SLCO3A1: variants seen among roughly 807,000 people sequenced by gnomAD.
SLCO3A1 encodes PGE1 transporter.
Under a neutral mutation model 63.1 loss-of-function variants are expected in SLCO3A1, and 27 were observed. The ratio of observed to expected loss-of-function variants is 0.43; its 90% CI spans 0.32 to 0.59. SLCO3A1 has a LOEUF of 0.59. SLCO3A1 is among the 20% of genes least tolerant of loss of function. The probability of loss-of-function intolerance (pLI) is 0.09; values close to 1 mark genes in which losing one functional copy is unlikely to be tolerated. For missense variants in SLCO3A1, 773 were observed against 945.8 expected, an observed-to-expected ratio of 0.82 and a Z score of 2.40; for synonymous variants, 473 against 409.9, an observed-to-expected ratio of 1.15 and a Z score of -1.86.
chr15:91,873,963 A>G (rs2151336706), intron 1 of SLCO3A1, among the ~76,000 whole-genome samples: 1 of 152,040 alleles, frequency 6.6e-6, no homozygotes, highest in Middle Eastern at 3.4e-3. Flanking sequence ...CATCTTAATC[A>G]TTTTGAAGTG....
downstream of SLCO3A1, among the ~76,000 whole-genome samples, chr15:92,168,770 T>G (rs1447767047): frequency 6.6e-6 from 1 of 152,194 alleles, no homozygotes; most frequent in Non-Finnish European, 1.5e-5. Context: ...ACCCCTTTGC[T>G]CTCATGGTTA....
chr15:92,108,670 T>A (rs1176437756), intron 4 of SLCO3A1, among the ~76,000 whole-genome samples: 1 of 152,202 alleles, frequency 6.6e-6, no homozygotes, highest in Non-Finnish European at 1.5e-5. Context: ...GAGGGTCTCT[T>A]CTGCAGCCGC....
At chr15:92,145,903 A>G (rs1310462186) in intron 7 of SLCO3A1, among the ~76,000 whole-genome samples, 1 of 152,132 alleles carries the variant, frequency 6.6e-6, no homozygotes, top group Non-Finnish European at 1.5e-5. Context: ...TTTGGGGCAC[A>G]TGAACACTTT....
intron 2 of SLCO3A1, among the ~76,000 whole-genome samples, chr15:91,974,888 C>T (rs1472845839): frequency 1.1e-4 from 17 of 152,162 alleles, no homozygotes; most frequent in Admixed American, 1.1e-3. Context: ...ATCTTGCTGG[C>T]ACTAGATACC....
At chr15:92,089,373 G>C (rs2047444685) in intron 2 of SLCO3A1, among the ~76,000 whole-genome samples, 1 of 152,158 alleles carries the variant, frequency 6.6e-6, no homozygotes, top group Non-Finnish European at 1.5e-5. Context: ...CACATGGTGT[G>C]GAGGACTCGG....
rs1431986987 is a variant in SLCO3A1 at position 91,863,955 on chromosome 15, C to CTG, written c.180+9869_180+9870dup. Among the ~76,000 whole-genome samples the CTG allele has an allele frequency of 1.3e-5, 2 of 152,208 alleles. No homozygotes were observed. Among genetic ancestry groups the CTG allele is most frequent in the Non-Finnish European group, 2.9e-5 (2 of 68,040 alleles). On this transcript the variant is annotated intron_variant, in intron 1 of 9. Coordinates refer to ENST00000318445, the MANE Select transcript of SLCO3A1 (RefSeq NM_013272.4). The surrounding 1 kb of genome is among the most constrained non-coding windows in gnomAD (Gnocchi z 4.3). Reference sequence around the variant, plus strand: ...GCACCATTCCTTTACCTTTGCCAAGCTGTATACATGCATCAAGGAGATGCA... The same window carrying CTG: ...GCACCATTCCTTTACCTTTGCCAAGCTGTGTATACATGCATCAAGGAGATGCA...
chr15:91,921,116 C>CT (rs979888717), intron 2 of SLCO3A1, among the ~76,000 whole-genome samples: 2 of 152,178 alleles, frequency 1.3e-5, no homozygotes, highest in Non-Finnish European at 2.9e-5. Context: ...GGCTGGAAGT[C>CT]TAAGATTAAG....
chr15:92,024,524 G>A (rs1171483305), intron 2 of SLCO3A1, among the ~76,000 whole-genome samples: 3 of 152,164 alleles, frequency 2.0e-5, no homozygotes, highest in African/African-American at 4.8e-5. Flanking sequence ...TGTGACGTTC[G>A]TGTGTATGTA....
intron 1 of SLCO3A1, among the ~76,000 whole-genome samples, chr15:91,881,753 G>T (rs567973918): frequency 1.3e-5 from 2 of 152,122 alleles, no homozygotes; most frequent in Non-Finnish European, 2.9e-5. Flanking sequence ...GCAACATGCC[G>T]AGTCTACCAG....
chr15:92,057,280 C>G (rs531204398), intron 2 of SLCO3A1, among the ~76,000 whole-genome samples: 7 of 152,218 alleles, frequency 4.6e-5, no homozygotes, highest in Non-Finnish European at 1.0e-4. Context: ...AGCCCTGCAG[C>G]CTGGCAGCCC....
At chr15:92,013,879 C>G (rs956820000) in intron 2 of SLCO3A1, among the ~76,000 whole-genome samples, 2 of 152,078 alleles carry the variant, frequency 1.3e-5, no homozygotes, top group African/African-American at 4.8e-5. Flanking sequence ...TGTGAGATTG[C>G]TCAAGAATAT....
chr15:91,880,327 T>C (rs1246823111), intron 1 of SLCO3A1, among the ~76,000 whole-genome samples: 1 of 151,068 alleles, frequency 6.6e-6, no homozygotes, highest in Admixed American at 6.6e-5. Flanking sequence ...AATTAGGAAA[T>C]TGACAGTGAT....
rs1897694305 is a variant in SLCO3A1 at position 91,885,245 on chromosome 15, G to C, written c.181-30748G>C. On this transcript the variant is annotated intron_variant, in intron 1 of 9. Coordinates refer to ENST00000318445, the MANE Select transcript of SLCO3A1 (RefSeq NM_013272.4). This position sits in a 1 kb window ranked among gnomAD's most constrained non-coding sequence, Gnocchi z 4.7. ...CAGTAACGAAGCCCCACCCCTGGCT[G>C]GGCCTTTTCTCACCATCTTCCTTCT... is the stretch of plus-strand genomic sequence containing the variant. Among the ~76,000 whole-genome samples the C allele has an allele frequency of 6.6e-6, 1 of 152,136 alleles. No individual in the cohort carries two copies. The highest frequency in any genetic ancestry group is 1.5e-5 in the Non-Finnish European group (1 of 68,020).
At chr15:91,962,498 AAAAG>A (rs1252339986) in intron 2 of SLCO3A1, among the ~76,000 whole-genome samples, 1 of 151,564 alleles carries the variant, frequency 6.6e-6, no homozygotes, top group African/African-American at 2.4e-5. Context: ...AAAAAAAAAA[AAAAG>A]AGCAAGGATT....
intron 2 of SLCO3A1, among the ~76,000 whole-genome samples, chr15:92,034,615 G>T (rs1349608978): frequency 1.3e-5 from 2 of 151,778 alleles, no homozygotes; most frequent in Non-Finnish European, 2.9e-5. Context: ...AGGACCAGGT[G>T]GAAGCCCTGC....
At position 92,172,288 on chromosome 15, in the gene SLCO3A1, A is replaced by G. The variant is rs192501405; in HGVS notation, c.*426A>G. On this transcript the variant is annotated 3_prime_UTR_variant, in exon 11 of 11. Coordinates refer to the SLCO3A1 transcript ENST00000424469. Reference sequence around the variant, plus strand: ...ACCTGTTGCATAGAATGGAGGGGGGAAAAAGCACATACTCAATAGATTTTT... The same window carrying G: ...ACCTGTTGCATAGAATGGAGGGGGGGAAAAGCACATACTCAATAGATTTTT... 4.8e-3 allele frequency: 779 copies of G among 163,132 alleles called. 4 individuals are homozygous for G. Among genetic ancestry groups the G allele is most frequent in the African/African-American group, 0.017 (704 of 41,916 alleles). 10.1% of individuals were successfully genotyped at this position (163,132 alleles called of 1,614,324 possible).
At chr15:92,128,965 T>C (rs1331615273) in intron 7 of SLCO3A1, among the ~76,000 whole-genome samples, 1 of 152,250 alleles carries the variant, frequency 6.6e-6, no homozygotes, top group Non-Finnish European at 1.5e-5. Flanking sequence ...CCTCTTTCCA[T>C]GTTCCTGACA....
chr15:92,095,795 G>A (rs962617210), intron 3 of SLCO3A1, among the ~76,000 whole-genome samples: 5 of 152,128 alleles, frequency 3.3e-5, no homozygotes, highest in African/African-American at 1.2e-4. Context: ...AGCATTCTCA[G>A]CCCCCCAGGC....
intron 5 of SLCO3A1, among the ~76,000 whole-genome samples, chr15:92,123,956 G>A (rs1255903722): frequency 1.3e-5 from 2 of 152,194 alleles, no homozygotes; most frequent in African/African-American, 4.8e-5. Flanking sequence ...CTCCTGAGCT[G>A]GGCAGTCCAG....
Sources: allele counts gnomAD v4.1 joint callset (sites outside exome capture counted in the v4.1 genomes callset), GRCh38; gene constraint gnomAD v4.1.1; non-coding constraint Gnocchi (gnomAD v3.1); transcripts MANE v1.5; gene names NCBI Gene and HGNC (gene_info 2026-07-23, HGNC 2026-07-21).